The following ATP6V0A4 variants were observed in gnomAD, a reference collection of about 807,000 sequenced individuals.
The protein encoded by ATP6V0A4 is V-type proton ATPase 116 kDa subunit a 4.
A neutral mutation model predicts 107.3 loss-of-function variants in ATP6V0A4; 86 were observed. That is an observed-to-expected ratio of 0.80 (90% CI 0.67 to 0.96). The LOEUF (loss-of-function observed/expected upper bound fraction) is 0.96. Among genes scored for constraint, ATP6V0A4 ranks in the 40% least tolerant of loss-of-function variants. The pLI is 0.00. For missense variants in ATP6V0A4, 908 were observed against 1,045.6 expected (o/e 0.87, Z 1.81); for synonymous variants, 353 against 381.4 (o/e 0.93, Z 0.87).
intron 11 of ATP6V0A4, among the ~76,000 whole-genome samples, chr7:138,750,229 C>G (rs1023316807): frequency 3.9e-5 from 6 of 152,132 alleles, no homozygotes; most frequent in Admixed American, 2.0e-4. Context: ...CTAGCCACCT[C>G]TCTTCTCCAC....
At chr7:138,743,184 C>T (rs959341816) in intron 14 of ATP6V0A4, among the ~76,000 whole-genome samples, 84 of 151,868 alleles carry the variant, frequency 5.5e-4, no homozygotes, top group Non-Finnish European at 4.1e-4. Flanking sequence ...TTGGGCCGGG[C>T]GTGTGGCTCA....
At chr7:138,776,788 G>A (rs1807678187) in intron 2 of ATP6V0A4, among the ~76,000 whole-genome samples, 1 of 152,190 alleles carries the variant, frequency 6.6e-6, no homozygotes, top group African/African-American at 2.4e-5. Context: ...CGTGACCTTG[G>A]GAAAGCTATT....
intron 15 of ATP6V0A4, among the ~76,000 whole-genome samples, chr7:138,737,417 C>G (rs564329845): frequency 5.3e-5 from 8 of 151,646 alleles, no homozygotes; most frequent in African/African-American, 1.9e-4. Context: ...TGTGGCCTCC[C>G]CACACAATCT....
intron 2 of ATP6V0A4, among the ~76,000 whole-genome samples, chr7:138,777,314 A>G (rs1807704939): frequency 6.6e-6 from 1 of 151,796 alleles, no homozygotes; most frequent in Non-Finnish European, 1.5e-5. Context: ...GACCTGGTTC[A>G]CATTTTTAAA....
chr7:138,785,944 C>T (rs1038326750), intron 2 of ATP6V0A4, among the ~76,000 whole-genome samples: 3 of 152,202 alleles, frequency 2.0e-5, no homozygotes, highest in South Asian at 2.1e-4. Flanking sequence ...TGCCATCCAA[C>T]GCCAGTGGGG....
intron 19 of ATP6V0A4, among the ~76,000 whole-genome samples, chr7:138,718,129 A>C (rs1398517527): frequency 1.7e-4 from 12 of 72,684 alleles, no homozygotes; most frequent in East Asian, 4.7e-4. Flanking sequence ...ATGTCTGCAG[A>C]GGGAGACGTC....
At position 138,733,140 on chromosome 7, in the gene ATP6V0A4, A is replaced by G. The variant is rs1239381644; in HGVS notation, c.1692-47T>C. 3.7e-6 allele frequency: 6 copies of G among 1,612,188 alleles called. No individual in the cohort carries two copies. The East Asian group carries it at 1.3e-4, about 36-fold the overall frequency. ...ATACACAAGATAGAACATCAAGGGA[A>G]CGTTAGGACTTAATTATTCTCTCAA... On this transcript the variant is annotated intron_variant, in intron 16 of 21. Coordinates refer to ENST00000310018, the MANE Select transcript of ATP6V0A4 (RefSeq NM_020632.3).
intron 5 of ATP6V0A4, 26 bp from the exon 6 acceptor site, chr7:138,763,051 A>G: frequency 6.2e-7 from 1 of 1,613,606 alleles, no homozygotes. Flanking sequence ...AAAGAAGGTA[A>G]GCCAACAGAA....
At chr7:138,786,592 A>AG (rs1004877658) in intron 1 of ATP6V0A4, among the ~76,000 whole-genome samples, 64 of 151,608 alleles carry the variant, frequency 4.2e-4, no homozygotes, top group Non-Finnish European at 6.6e-4. Context: ...AAAAAAAAAA[A>AG]AGAGAGACAA....
At chr7:138,737,667 T>C (rs1485045558) in intron 15 of ATP6V0A4, among the ~76,000 whole-genome samples, 1 of 150,152 alleles carries the variant, frequency 6.7e-6, no homozygotes, top group Non-Finnish European at 1.5e-5. Flanking sequence ...CTGCAACCTC[T>C]GCTTCCCAGA....
intron 20 of ATP6V0A4, among the ~76,000 whole-genome samples, chr7:138,712,021 C>G (rs1803772224): frequency 6.6e-6 from 1 of 151,732 alleles, no homozygotes; most frequent in Non-Finnish European, 1.5e-5. Flanking sequence ...TAACTTCCAG[C>G]TCCCAGGTTC....
chr7:138,777,631 AAT>A (rs869306207), intron 2 of ATP6V0A4, among the ~76,000 whole-genome samples: 1 of 119,824 alleles, frequency 8.3e-6, no homozygotes, highest in East Asian at 2.2e-4. Context: ...AAAAAAAAAA[AAT>A]ACACACACAC....
intron 5 of ATP6V0A4, among the ~76,000 whole-genome samples, chr7:138,763,679 T>C (rs1205320583): frequency 6.6e-6 from 1 of 151,402 alleles, no homozygotes; most frequent in Non-Finnish European, 1.5e-5. Context: ...TTAAACAATA[T>C]GGAGTCTTAA....
intron 2 of ATP6V0A4, among the ~76,000 whole-genome samples, chr7:138,779,474 T>C (rs4732332): frequency 0.77 from 117,514 of 152,180 alleles, 45,665 homozygotes; most frequent in African/African-American, 0.86. Flanking sequence ...CCCCCACAGG[T>C]ACATCCAGAA....
chr7:138,735,974 AG>A (rs1805297474), intron 15 of ATP6V0A4, among the ~76,000 whole-genome samples: 1 of 118,024 alleles, frequency 8.5e-6, no homozygotes, highest in Admixed American at 9.3e-5. Context: ...AGGCAGAGGC[AG>A]AAGAATCACT....
intron 17 of ATP6V0A4, among the ~76,000 whole-genome samples, chr7:138,729,358 C>T (rs552336471): frequency 6.6e-6 from 1 of 152,276 alleles, no homozygotes; most frequent in Admixed American, 6.5e-5. Flanking sequence ...TATCTGAGCT[C>T]TCTTGCTCCT....
At chr7:138,793,806 G>A (rs967212906) in intron 1 of ATP6V0A4, among the ~76,000 whole-genome samples, 5 of 152,262 alleles carry the variant, frequency 3.3e-5, no homozygotes, top group African/African-American at 9.6e-5. Context: ...GGTTGTTTTC[G>A]CCAAGAGGAA....
At chr7:138,718,240 A>G (rs1419207078) in intron 19 of ATP6V0A4, among the ~76,000 whole-genome samples, 31 of 45,454 alleles carry the variant, frequency 6.8e-4, no homozygotes, top group African/African-American at 1.3e-3. Flanking sequence ...GCGCGCAGTT[A>G]TGGATGTCTG....
At chr7:138,792,371 G>A (rs900068396) in intron 1 of ATP6V0A4, among the ~76,000 whole-genome samples, 1 of 152,194 alleles carries the variant, frequency 6.6e-6, no homozygotes, top group African/African-American at 2.4e-5. Context: ...ACTTTGATAT[G>A]TTAAGAATGC....
Sources: allele counts gnomAD v4.1 joint callset (sites outside exome capture counted in the v4.1 genomes callset), GRCh38; gene constraint gnomAD v4.1.1; transcripts MANE v1.5; gene names NCBI Gene and HGNC (gene_info 2026-07-23, HGNC 2026-07-21).